The following RAB28 variants were observed in gnomAD, a reference collection of about 807,000 sequenced individuals.
RAB28 encodes RAB28, member RAS oncogene family, also known as ras-related protein Rab-28.
In RAB28, 24 loss-of-function variants were observed where a neutral mutation model predicts 31.7. That is an observed-to-expected ratio of 0.76 (90% CI 0.55 to 1.06). The LOEUF is 1.06. Ranked by LOEUF, RAB28 falls within the 50% of genes least tolerant of loss-of-function variation. The probability of loss-of-function intolerance (pLI) is 0.00; values close to 1 mark genes in which losing one functional copy is unlikely to be tolerated. For missense variants in RAB28, 254 were observed against 258.5 expected, an observed-to-expected ratio of 0.98 and a Z score of 0.12; for synonymous variants, 100 against 90.4, an observed-to-expected ratio of 1.11 and a Z score of -0.60.
At chr4:13,461,783 A>G (rs1715602071) in intron 3 of RAB28, among the ~76,000 whole-genome samples, 1 of 152,212 alleles carries the variant, frequency 6.6e-6, no homozygotes, top group African/African-American at 2.4e-5. Flanking sequence ...ATACAGTATA[A>G]GCCCGGACCC....
intron 5 of RAB28, among the ~76,000 whole-genome samples, chr4:13,378,960 C>T (rs1025803944): frequency 6.6e-6 from 1 of 152,038 alleles, no homozygotes; most frequent in South Asian, 2.1e-4. Flanking sequence ...CCTGTAACCC[C>T]AACACTTTGG....
chr4:13,392,749 T>G (rs1169694387), intron 4 of RAB28, among the ~76,000 whole-genome samples: 1 of 152,168 alleles, frequency 6.6e-6, no homozygotes, highest in African/African-American at 2.4e-5. Flanking sequence ...ATTTTAAGTG[T>G]TTTCACCACA....
intron 4 of RAB28, among the ~76,000 whole-genome samples, chr4:13,407,643 T>C (rs1023934103): frequency 1.4e-4 from 21 of 152,256 alleles, no homozygotes; most frequent in African/African-American, 5.1e-4. Context: ...TGAATGAGCA[T>C]GGAATGTTTT....
chr4:13,453,454 T>C (rs1715084791), intron 4 of RAB28, among the ~76,000 whole-genome samples: 2 of 152,160 alleles, frequency 1.3e-5, no homozygotes, highest in Admixed American at 6.5e-5. Context: ...AAGTTTTAGT[T>C]TCACGTGTTC....
intron 4 of RAB28, among the ~76,000 whole-genome samples, chr4:13,412,769 A>G (rs753580252): frequency 6.6e-6 from 1 of 152,110 alleles, no homozygotes; most frequent in Non-Finnish European, 1.5e-5. Context: ...ACTAAATATT[A>G]CCATATATTT....
At chr4:13,456,791 T>C (rs1715326141) in intron 4 of RAB28, among the ~76,000 whole-genome samples, 1 of 152,218 alleles carries the variant, frequency 6.6e-6, no homozygotes, top group Non-Finnish European at 1.5e-5. Flanking sequence ...TTTCATTTCA[T>C]TAAAAGAAAT....
intron 6 of RAB28, chr4:13,371,758 A>C (rs1362315815): frequency 9.1e-6 from 14 of 1,546,478 alleles, no homozygotes; most frequent in Non-Finnish European, 1.2e-5. Flanking sequence ...CCATTTATTG[A>C]TGTTTTTAGA....
At chr4:13,461,713 AACT>A (rs762534454) in intron 3 of RAB28, among the ~76,000 whole-genome samples, 12 of 152,220 alleles carry the variant, frequency 7.9e-5, no homozygotes, top group African/African-American at 1.4e-4. Flanking sequence ...ACACAGAAAT[AACT>A]ACCACATTCT....
At chr4:13,438,177 T>C (rs1186128187) in intron 4 of RAB28, among the ~76,000 whole-genome samples, 1 of 152,182 alleles carries the variant, frequency 6.6e-6, no homozygotes, top group East Asian at 1.9e-4. Flanking sequence ...TCCAGATTGG[T>C]AAAATACGAA....
At chr4:13,427,974 T>C (rs138411469) in intron 4 of RAB28, among the ~76,000 whole-genome samples, 191 of 152,230 alleles carry the variant, frequency 1.3e-3, no homozygotes, top group African/African-American at 4.4e-3. Flanking sequence ...CTGTCCCTTT[T>C]AAGGGCTTAG....
chr4:13,404,898 G>A (rs752062472), intron 4 of RAB28, among the ~76,000 whole-genome samples: 3 of 139,188 alleles, frequency 2.2e-5, no homozygotes, highest in African/African-American at 5.3e-5. Flanking sequence ...ATTTTGTTTC[G>A]TTTTTGTTAA....
chr4:13,433,138 G>GAA (rs1159582203), intron 4 of RAB28, among the ~76,000 whole-genome samples: 3 of 69,538 alleles, frequency 4.3e-5, no homozygotes, highest in Middle Eastern at 0.01. Flanking sequence ...GCAAATGAAA[G>GAA]AAAAAAAAAA....
intron 4 of RAB28, among the ~76,000 whole-genome samples, chr4:13,396,686 T>A (rs915547393): frequency 6.6e-6 from 1 of 152,176 alleles, no homozygotes; most frequent in Non-Finnish European, 1.5e-5. Context: ...CAATGCAGTT[T>A]AAAAATTTTC....
intron 4 of RAB28, among the ~76,000 whole-genome samples, chr4:13,417,047 T>C (rs1340820311): frequency 6.6e-6 from 1 of 152,188 alleles, no homozygotes; most frequent in Non-Finnish European, 1.5e-5. Context: ...ACTGCGCTTT[T>C]CCAATGGTCT....
intron 4 of RAB28, among the ~76,000 whole-genome samples, chr4:13,418,741 T>C (rs1005865819): frequency 6.6e-6 from 1 of 152,028 alleles, no homozygotes. Context: ...TTACAAGAGC[T>C]CCTGAAGGAA....
Position 13,422,073 on chromosome 4 carries a change from C to T in RAB28, c.391+38626G>A, listed in dbSNP as rs182502139. Among the ~76,000 whole-genome samples the T allele has an allele frequency of 9.7e-3, 1,477 of 151,748 alleles. 21 individuals are homozygous for T. The highest frequency in any genetic ancestry group is 0.034 in the African/African-American group (1,388 of 41,418). ...CTTACAAGAAAAAAAAAAACAACCC[C>T]ATCAAAAAGTGGGCAAAGGATATGA... On this transcript the variant is annotated intron_variant, in intron 4 of 6. Transcript: ENST00000330852.
chr4:13,424,614 A>T (rs1005609421), intron 4 of RAB28, among the ~76,000 whole-genome samples: 16 of 152,186 alleles, frequency 1.1e-4, no homozygotes, highest in African/African-American at 3.4e-4. Flanking sequence ...ATACAAAAAA[A>T]CTAGGCTTCC....
intron 6 of RAB28, chr4:13,371,198 C>A: frequency 2.0e-6 from 2 of 985,330 alleles, no homozygotes; most frequent in Non-Finnish European, 2.4e-6. Flanking sequence ...TCTTTAGCAA[C>A]AAGCAGCATT....
chr4:13,396,165 A>G (rs555368243), intron 4 of RAB28, among the ~76,000 whole-genome samples: 171 of 152,180 alleles, frequency 1.1e-3, no homozygotes, highest in Middle Eastern at 3.4e-3. Flanking sequence ...TCACTGTCTA[A>G]CTTAAAAGAA....
Sources: gnomAD v4.1 joint callset for allele counts (sites outside exome capture counted in the v4.1 genomes callset) on GRCh38, gnomAD v4.1.1 for gene constraint, MANE v1.5 for transcripts, NCBI Gene and HGNC (gene_info 2026-07-23, HGNC 2026-07-21) for gene names.